Variants in CDH17 observed in about 807,000 individuals in gnomAD.
CDH17 encodes the protein cadherin 17, also known as cadherin-17.
CDH17 carries 67 observed loss-of-function variants against 86.3 expected under a neutral mutation model. The observed-to-expected ratio is 0.78, with a 90% confidence interval of 0.64 to 0.95. CDH17 has a LOEUF of 0.95. Ranked by LOEUF, CDH17 falls within the 40% of genes least tolerant of loss-of-function variation. The pLI is 0.00. For missense variants in CDH17, 993 were observed against 1,017.6 expected (o/e 0.98, Z 0.33); for synonymous variants, 367 against 366.4 (o/e 1.00, Z -0.02).
intron 15 of CDH17, among the ~76,000 whole-genome samples, chr8:94,144,511 T>C (rs975093694): frequency 7.2e-5 from 11 of 152,106 alleles, no homozygotes; most frequent in African/African-American, 2.7e-4. Flanking sequence ...TAAGATGAGG[T>C]ATGCCTATAC....
rs780208078 is a variant in CDH17 at position 94,146,123 on chromosome 8, T to C, written c.1972A>G (p.Met658Val). Residue 658 changes from methionine (M) to valine (V), a missense_variant, in exon 15 of 18, where the codon ATG (methionine) becomes GTG (valine). Coordinates refer to ENST00000027335, the MANE Select transcript of CDH17 (RefSeq NM_004063.4). ...CTGGGAGGGTTGTCATTCACATCCA[T>C]AAGGATCAGGTGGAACTCTGACACA... is the stretch of plus-strand genomic sequence containing the variant. ...SSVSEFHLIL[M>V]DVNDNPPRLA... The C allele has an allele frequency of 6.2e-7, 1 of 1,609,276 alleles. No individual in the cohort carries two copies. The highest frequency in any genetic ancestry group is 8.5e-7 in the Non-Finnish European group (1 of 1,177,734).
At chr8:94,204,783 A>T (rs867386440) in intron 1 of CDH17, among the ~76,000 whole-genome samples, 7 of 152,160 alleles carry the variant, frequency 4.6e-5, no homozygotes, top group Non-Finnish European at 7.3e-5. Flanking sequence ...GCTCCCCAAG[A>T]CAGAGCAAGG....
At chr8:94,151,335 A>C (rs1812851635) in intron 13 of CDH17, among the ~76,000 whole-genome samples, 1 of 152,226 alleles carries the variant, frequency 6.6e-6, no homozygotes, top group Non-Finnish European at 1.5e-5. Context: ...CATTTTGTTT[A>C]GCCACCTCAG....
intron 12 of CDH17, 108 bp downstream of exon 12, chr8:94,159,863 T>A: frequency 1.3e-6 from 1 of 753,266 alleles, no homozygotes; most frequent in Non-Finnish European, 2.0e-6. Flanking sequence ...TCACCATGCC[T>A]GAGAGATGGC....
rs1812802528 is a variant in CDH17, at chr8:94,148,831, G to C, written c.1840C>G (p.His614Asp). ...GDTRGWLKID[H>D]VTGEIFSVAP... is the part of the protein sequence containing the mutation. ...ACACTAAAGATCTCACCAGTCACGT[G>C]GTCAATTTTAAGCCAACCTCTTGTG... The change falls in exon 14 of 18, where the codon CAC becomes GAC. Residue 614 changes from histidine to aspartate, a missense_variant. Physicochemically the swap from His to Asp is moderately conservative, Grantham distance 81. Transcript: ENST00000027335. The C allele has an allele frequency of 1.2e-6, 2 of 1,608,916 alleles. No individual in the cohort carries two copies. Among genetic ancestry groups the C allele is most frequent in the Non-Finnish European group, 1.7e-6 (2 of 1,178,152 alleles).
intron 7 of CDH17, among the ~76,000 whole-genome samples, chr8:94,173,544 A>G (rs564005188): frequency 3.3e-5 from 5 of 152,312 alleles, no homozygotes; most frequent in South Asian, 2.1e-4. Flanking sequence ...TTTTCTTTAC[A>G]AATTCCCCAC....
In CDH17 at chr8:94,165,953, C is replaced by T. The variant is rs778425969; in HGVS notation, c.1090G>A (p.Ala364Thr). ...GTATTTTCTTCATCCCTGTCATGTGCAGTAAGGGTCCCGATACTGTTACCT... is the reference window on the plus strand; with the variant it reads ...GTATTTTCTTCATCCCTGTCATGTGTAGTAAGGGTCCCGATACTGTTACCT... The part of the protein sequence containing the change: ...RLGNSIGTLT[A>T]HDRDEENTAN... The change falls in exon 10 of 18, where the codon GCA becomes ACA. Residue 364 changes from alanine (A) to threonine (T), a missense_variant. Coordinates refer to ENST00000027335, the MANE Select transcript of CDH17 (RefSeq NM_004063.4). 1.2e-6 allele frequency: 2 copies of T among 1,613,104 alleles called. No homozygotes were observed. Among genetic ancestry groups the T allele is most frequent in the South Asian group, 1.1e-5 (1 of 91,050 alleles).
chr8:94,186,238 T>C (rs1322839991), intron 3 of CDH17, among the ~76,000 whole-genome samples: 1 of 152,194 alleles, frequency 6.6e-6, no homozygotes, highest in Non-Finnish European at 1.5e-5. Flanking sequence ...TTTCTCTAAA[T>C]CTTTTGCTGT....
At chr8:94,215,722 G>GA (rs1479645261) in intron 1 of CDH17, among the ~76,000 whole-genome samples, 2 of 152,142 alleles carry the variant, frequency 1.3e-5, no homozygotes, top group Non-Finnish European at 2.9e-5. Context: ...GCAAAATAAT[G>GA]AAATTGAACT....
chr8:94,201,101 T>C (rs371870101), intron 1 of CDH17, among the ~76,000 whole-genome samples: 2 of 152,182 alleles, frequency 1.3e-5, no homozygotes, highest in South Asian at 2.1e-4. Flanking sequence ...GAAAAGGTTT[T>C]TTCCCCCTAC....
At chr8:94,170,110 T>C (rs754018770) in intron 9 of CDH17, among the ~76,000 whole-genome samples, 13 of 152,216 alleles carry the variant, frequency 8.5e-5, no homozygotes, top group Non-Finnish European at 1.9e-4. Context: ...GTATATAAGA[T>C]ACTAGTGTAG....
intron 15 of CDH17, among the ~76,000 whole-genome samples, chr8:94,136,102 C>T (rs113620776): frequency 0.18 from 27,032 of 152,132 alleles, 2,701 homozygotes; most frequent in South Asian, 0.33. Flanking sequence ...CCCTTCATTT[C>T]AACCTTGGTG....
At chr8:94,201,162 C>G (rs1405286145) in intron 1 of CDH17, among the ~76,000 whole-genome samples, 1 of 152,106 alleles carries the variant, frequency 6.6e-6, no homozygotes, top group African/African-American at 2.4e-5. Flanking sequence ...CCCGACCTGC[C>G]TGGAGGAAAA....
chr8:94,161,960 G>T (rs1586251762), intron 11 of CDH17, 126 bp downstream of exon 11: 1 of 615,322 alleles, frequency 1.6e-6, no homozygotes, highest in South Asian at 2.1e-5. Flanking sequence ...GGTTATTTGT[G>T]CACTGACCAA....
chr8:94,206,226 T>G (rs1563592962), intron 1 of CDH17, among the ~76,000 whole-genome samples: 2 of 152,230 alleles, frequency 1.3e-5, no homozygotes, highest in Non-Finnish European at 2.9e-5. Context: ...ATATCTGCTT[T>G]TATTAAGTTA....
chr8:94,188,434 C>T (rs1281156457), intron 3 of CDH17, among the ~76,000 whole-genome samples: 1 of 152,154 alleles, frequency 6.6e-6, no homozygotes. Context: ...GCAACCTCTG[C>T]CACTTCCCTG....
chr8:94,173,922 T>C lies in CDH17; in HGVS notation c.658A>G (p.Ser220Gly), dbSNP rs1324028610. ...VISVKDMGGQ[S>G]ENSFSDTTSV... ...GTGGTATCACTGAAGGAATTCTCAC[T>C]CTGGCCTCCCATGTCCTTCACTGAG... The change falls in exon 7 of 18, where the codon AGT becomes GGT. Residue 220 changes from serine (S) to glycine (G), a missense_variant. By Grantham distance (56) the Ser-to-Gly change is moderately conservative. Coordinates refer to ENST00000027335, the MANE Select transcript of CDH17 (RefSeq NM_004063.4). The C allele has an allele frequency of 4.3e-6, 7 of 1,613,774 alleles. No individual in the cohort carries two copies. Among genetic ancestry groups the C allele is most frequent in the Non-Finnish European group, 5.9e-6 (7 of 1,179,726 alleles).
chr8:94,145,237 G>T (rs1018342012), intron 15 of CDH17, among the ~76,000 whole-genome samples: 1 of 152,066 alleles, frequency 6.6e-6, no homozygotes, highest in Admixed American at 6.6e-5. Flanking sequence ...AGCAAAAGTT[G>T]GAGTTACAAT....
chr8:94,136,808 G>C (rs1277444451), intron 15 of CDH17, among the ~76,000 whole-genome samples: 1 of 152,118 alleles, frequency 6.6e-6, no homozygotes. Context: ...TTGGGGTTTT[G>C]GTGTAGATGT....
Sources: allele counts gnomAD v4.1 joint callset (sites outside exome capture counted in the v4.1 genomes callset), GRCh38; gene constraint gnomAD v4.1.1; transcripts MANE v1.5; gene names NCBI Gene and HGNC (gene_info 2026-07-23, HGNC 2026-07-21).